SLC44A5: variants seen among roughly 807,000 people sequenced by gnomAD.
SLC44A5 encodes solute carrier family 44 member 5, also known as choline transporter-like protein 5.
A neutral mutation model predicts 101.8 loss-of-function variants in SLC44A5; 57 were observed. That is an observed-to-expected ratio of 0.56 (90% CI 0.45 to 0.70). The LOEUF is 0.70. Among genes scored for constraint, SLC44A5 ranks in the 30% least tolerant of loss-of-function variants. The pLI is 0.00. For synonymous variants in SLC44A5, 281 were observed against 290.9 expected (o/e 0.97, Z 0.35); for missense variants, 737 against 853.1 (o/e 0.86, Z 1.70).
At chr1:75,264,006 G>A (rs1040069603) in intron 6 of SLC44A5, among the ~76,000 whole-genome samples, 1 of 151,840 alleles carries the variant, frequency 6.6e-6, no homozygotes, top group Admixed American at 6.6e-5. Context: ...GGGAGGGATA[G>A]CATTAGGAGA....
chr1:75,654,993 A>C, the SLC44A5 span, among the ~76,000 whole-genome samples: 1 of 152,184 alleles, frequency 6.6e-6, no homozygotes, highest in South Asian at 2.1e-4. Flanking sequence ...TAATGCCTCC[A>C]ATCTTTTCAA....
At chr1:75,587,014 G>C (rs1674044875) in intron 1 of SLC44A5, among the ~76,000 whole-genome samples, 1 of 152,048 alleles carries the variant, frequency 6.6e-6, no homozygotes, top group African/African-American at 2.4e-5. Flanking sequence ...CAGAGCTGGG[G>C]CAGGCTGGTG....
the SLC44A5 span, among the ~76,000 whole-genome samples, chr1:75,706,385 T>G: frequency 6.6e-6 from 1 of 152,134 alleles, no homozygotes; most frequent in African/African-American, 2.4e-5. Context: ...TTGCAAATAT[T>G]CCATGTATAC....
chr1:75,435,957 A>T (rs1664864867), intron 2 of SLC44A5, among the ~76,000 whole-genome samples: 1 of 152,104 alleles, frequency 6.6e-6, no homozygotes, highest in Non-Finnish European at 1.5e-5. Flanking sequence ...CTTCAGGGAG[A>T]TTACATTAGA....
chr1:75,653,979 T>C, the SLC44A5 span, among the ~76,000 whole-genome samples: 4 of 152,162 alleles, frequency 2.6e-5, no homozygotes, highest in African/African-American at 9.7e-5. Context: ...AAAAAACAAC[T>C]ATAAAGGTAG....
chr1:75,723,775 A>G, the SLC44A5 span: 1 of 152,184 alleles, frequency 6.6e-6, no homozygotes, highest in Non-Finnish European at 1.5e-5. Context: ...CTTAATTAAC[A>G]TTCTGCCTTG....
At chr1:75,719,611 T>G in the SLC44A5 span, among the ~76,000 whole-genome samples, 1 of 152,316 alleles carries the variant, frequency 6.6e-6, no homozygotes, top group South Asian at 2.1e-4. Context: ...TTCATGATGC[T>G]TTTAGTTGGC....
At chr1:75,530,953 T>C (rs976032490) in intron 2 of SLC44A5, among the ~76,000 whole-genome samples, 4 of 152,202 alleles carry the variant, frequency 2.6e-5, no homozygotes, top group African/African-American at 9.6e-5. Context: ...GGAAGTTTAA[T>C]GGATATTAAA....
intron 9 of SLC44A5, 108 bp from the exon 10 acceptor site, chr1:75,238,744 T>C (rs566558814): frequency 1.9e-5 from 13 of 687,296 alleles, no homozygotes; most frequent in African/African-American, 1.5e-4. Flanking sequence ...TTGCTAGGCA[T>C]GCAAATTGCT....
intron 2 of SLC44A5, among the ~76,000 whole-genome samples, chr1:75,512,992 T>C (rs1490272557): frequency 2.0e-5 from 3 of 152,230 alleles, no homozygotes; most frequent in African/African-American, 7.2e-5. Flanking sequence ...TCACAATGAC[T>C]CTATCAATTA....
intron 5 of SLC44A5, among the ~76,000 whole-genome samples, chr1:75,279,198 C>T (rs1253879876): frequency 6.6e-6 from 1 of 151,988 alleles, no homozygotes; most frequent in East Asian, 1.9e-4. Context: ...TTCATCTCTC[C>T]CTCCCTCATT....
At chr1:75,433,947 C>T in intron 2 of SLC44A5, among the ~76,000 whole-genome samples, 1 of 152,088 alleles carries the variant, frequency 6.6e-6, no homozygotes. Context: ...ATAAAACCAT[C>T]AGCTCTCATG....
chr1:75,271,467 C>T (rs535016759), intron 6 of SLC44A5, among the ~76,000 whole-genome samples: 1 of 146,046 alleles, frequency 6.8e-6, no homozygotes, highest in African/African-American at 2.5e-5. Flanking sequence ...TCCTCGAGTC[C>T]CCTAAGTCCA....
At position 75,396,627 on chromosome 1, in the gene SLC44A5, A is replaced by G; in HGVS notation, c.14-6T>C. On this transcript the variant is annotated splice_polypyrimidine_tract_variant and splice_region_variant and intron_variant, in intron 2 of 23. Transcript: ENST00000370859. ...GGGAGTATCTGCTGGTTTTTCTAGG[A>G]AAAAGCACAAAAGGCAAAAAAAATA... is the stretch of plus-strand genomic sequence containing the variant. 1 of 1,612,008 alleles carries G rather than the reference A, an allele frequency of 6.2e-7. No homozygotes were observed. Among genetic ancestry groups the G allele is most frequent in the Non-Finnish European group, 8.5e-7 (1 of 1,178,550 alleles).
intron 2 of SLC44A5, among the ~76,000 whole-genome samples, chr1:75,422,172 T>C (rs536189232): frequency 2.6e-5 from 4 of 152,318 alleles, no homozygotes; most frequent in African/African-American, 9.6e-5. Flanking sequence ...AAGGCACACA[T>C]GGAAAAGCAA....
intron 2 of SLC44A5, among the ~76,000 whole-genome samples, chr1:75,416,327 C>A (rs1322351444): frequency 6.6e-6 from 1 of 152,102 alleles, no homozygotes; most frequent in Non-Finnish European, 1.5e-5. Context: ...TCTGAGCATA[C>A]AAATGGTGTT....
chr1:75,233,317 A>G (rs1160945004), intron 12 of SLC44A5, among the ~76,000 whole-genome samples: 3 of 152,158 alleles, frequency 2.0e-5, no homozygotes, highest in South Asian at 4.1e-4. Context: ...CATTGTATCC[A>G]TTAAATAATT....
At chr1:75,703,725 T>C in the SLC44A5 span, among the ~76,000 whole-genome samples, 1 of 151,958 alleles carries the variant, frequency 6.6e-6, no homozygotes, top group Non-Finnish European at 1.5e-5. Flanking sequence ...ATACAGCACG[T>C]TCTCTGTTCA....
intron 2 of SLC44A5, among the ~76,000 whole-genome samples, chr1:75,427,441 T>C (rs1417804881): frequency 1.3e-5 from 2 of 152,188 alleles, no homozygotes; most frequent in Admixed American, 1.3e-4. Flanking sequence ...GTCCTCAGGA[T>C]TGGGCCACTT....
Sources: allele counts gnomAD v4.1 joint callset (sites outside exome capture counted in the v4.1 genomes callset), GRCh38; gene constraint gnomAD v4.1.1; transcripts MANE v1.5; gene names NCBI Gene and HGNC (gene_info 2026-07-23, HGNC 2026-07-21).